The following HECW1 variants were observed in gnomAD, a reference collection of about 807,000 sequenced individuals.
HECW1 encodes E3 ubiquitin-protein ligase HECW1.
HECW1 carries 61 observed loss-of-function variants against 182.3 expected under a neutral mutation model. That is an observed-to-expected ratio of 0.33 (90% confidence interval 0.27 to 0.41). The LOEUF (loss-of-function observed/expected upper bound fraction) is 0.41. Among genes scored for constraint, HECW1 ranks in the 10% least tolerant of loss-of-function variants. The pLI, the probability that HECW1 is intolerant of heterozygous loss-of-function variation, is 1.00. For synonymous variants in HECW1, 859 were observed against 832.6 expected (o/e 1.03, Z -0.55); for missense variants, 1,739 against 2,108.9 (o/e 0.82, Z 3.44).
At chr7:43,528,709 C>T (rs370214132) in intron 24 of HECW1, among the ~76,000 whole-genome samples, 6 of 152,304 alleles carry the variant, frequency 3.9e-5, no homozygotes, top group Admixed American at 1.3e-4. Flanking sequence ...CCTCTGCCCC[C>T]CTGCAGGGCA....
At chr7:43,349,972 C>T (rs1339905178) in intron 5 of HECW1, among the ~76,000 whole-genome samples, 1 of 152,074 alleles carries the variant, frequency 6.6e-6, no homozygotes, top group Non-Finnish European at 1.5e-5. Context: ...GTGATTTATG[C>T]TTTAAAGAGG....
At chr7:43,456,223 G>A in intron 12 of HECW1, 74 bp from the exon 13 acceptor site, 1 of 1,468,408 alleles carries the variant, frequency 6.8e-7, no homozygotes, top group Non-Finnish European at 9.3e-7. Flanking sequence ...CAGAAGACTT[G>A]GAAGTTGTAT....
intron 3 of HECW1, among the ~76,000 whole-genome samples, chr7:43,285,183 G>A (rs1050478659): frequency 6.6e-6 from 1 of 152,112 alleles, no homozygotes; most frequent in Admixed American, 6.5e-5. Context: ...ACAAAAGGGG[G>A]AAATGGAACA....
rs542053538 is a variant in HECW1, at chr7:43,564,047, T to C, written c.*2121T>C. 385 of 186,590 alleles carry C rather than the reference T, an allele frequency of 2.1e-3. 2 individuals are homozygous for C. The highest frequency in any genetic ancestry group is 6.1e-3 in the Middle Eastern group (3 of 492). The allele number at this position is 186,590 out of a possible 1,614,324, so 11.6% of individuals were successfully genotyped here. On this transcript the variant is annotated 3_prime_UTR_variant, in exon 30 of 30. Coordinates refer to ENST00000395891, the MANE Select transcript of HECW1 (RefSeq NM_015052.5). The stretch of plus-strand genomic sequence containing the variant: ...GATGGAATCTGTAAGTTATATGATA[T>C]AGAATTTGAGGGATATGTAAAATTC...
chr7:43,246,499 G>T (rs1452434744), intron 3 of HECW1, among the ~76,000 whole-genome samples: 1 of 152,152 alleles, frequency 6.6e-6, no homozygotes, highest in Non-Finnish European at 1.5e-5. Flanking sequence ...CGTGAAGCCT[G>T]TGTAGTTGCA....
intron 5 of HECW1, among the ~76,000 whole-genome samples, chr7:43,336,122 CTTTCTCTCTCTCTCTCTCTCTT>C (rs1812180844): frequency 1.1e-4 from 9 of 83,264 alleles, no homozygotes; most frequent in African/African-American, 3.3e-4. Flanking sequence ...TTCTTTCTTT[CTTTCTCTCTCTCTCTCTCTCTT>C]TCTCTCTCTC....
At chr7:43,315,777 A>T (rs1809164710) in intron 4 of HECW1, among the ~76,000 whole-genome samples, 1 of 152,110 alleles carries the variant, frequency 6.6e-6, no homozygotes, top group South Asian at 2.1e-4. Context: ...TACAGGCGTG[A>T]TCCACCGCGC....
chr7:43,301,590 G>A (rs1353892809), intron 3 of HECW1, among the ~76,000 whole-genome samples: 1 of 152,212 alleles, frequency 6.6e-6, no homozygotes, highest in Non-Finnish European at 1.5e-5. Context: ...AAGGAAGGAA[G>A]AAGAAGCCAG....
At chr7:43,381,678 C>A (rs969597232) in intron 6 of HECW1, among the ~76,000 whole-genome samples, 25 of 152,090 alleles carry the variant, frequency 1.6e-4, no homozygotes, top group Non-Finnish European at 2.8e-4. Context: ...CATGTGCCAC[C>A]ACACCCAGCT....
At chr7:43,558,934 G>T (rs1330090611) in intron 29 of HECW1, among the ~76,000 whole-genome samples, 1 of 152,172 alleles carries the variant, frequency 6.6e-6, no homozygotes, top group Non-Finnish European at 1.5e-5. Flanking sequence ...AGAGAGCAAG[G>T]CCTATCTGAA....
chr7:43,460,495 G>A (rs2077544398), intron 13 of HECW1, among the ~76,000 whole-genome samples: 1 of 152,024 alleles, frequency 6.6e-6, no homozygotes, highest in Non-Finnish European at 1.5e-5. Context: ...GTTTTGGAGG[G>A]CTTTTTTCCT....
At chr7:43,185,348 C>T (rs562010248) in intron 2 of HECW1, among the ~76,000 whole-genome samples, 19 of 152,330 alleles carry the variant, frequency 1.2e-4, no homozygotes, top group African/African-American at 2.9e-4. Flanking sequence ...TAAAGTGTTT[C>T]ACTGAGTTCT....
At chr7:43,298,908 G>T (rs370334619) in intron 3 of HECW1, among the ~76,000 whole-genome samples, 1 of 152,096 alleles carries the variant, frequency 6.6e-6, no homozygotes, top group South Asian at 2.1e-4. Flanking sequence ...GCTGTTTTCC[G>T]CATACAAGGT....
intron 6 of HECW1, among the ~76,000 whole-genome samples, chr7:43,385,143 T>A (rs2074716053): frequency 6.7e-6 from 1 of 150,128 alleles, no homozygotes; most frequent in Admixed American, 6.7e-5. Flanking sequence ...CTCAACACCC[T>A]CTTCCAATCG....
intron 17 of HECW1, among the ~76,000 whole-genome samples, chr7:43,491,142 C>T (rs183285228): frequency 4.6e-5 from 7 of 152,226 alleles, no homozygotes; most frequent in Admixed American, 3.3e-4. Context: ...GTCAAAATGC[C>T]TAAGCTGAAC....
intron 11 of HECW1, among the ~76,000 whole-genome samples, chr7:43,447,081 A>AT (rs894168983): frequency 6.6e-6 from 1 of 152,108 alleles, no homozygotes; most frequent in Admixed American, 6.5e-5. Context: ...AGGTCTGTAG[A>AT]TTTTTCCTGT....
intron 3 of HECW1, among the ~76,000 whole-genome samples, chr7:43,307,943 T>C (rs1314724396): frequency 7.4e-6 from 1 of 135,734 alleles, no homozygotes; most frequent in Non-Finnish European, 1.5e-5. Context: ...GTGAAATGTA[T>C]TATTATATAT....
At chr7:43,226,019 C>T (rs1324016530) in intron 2 of HECW1, among the ~76,000 whole-genome samples, 2 of 152,200 alleles carry the variant, frequency 1.3e-5, no homozygotes, top group African/African-American at 2.4e-5. Flanking sequence ...GCAATCCTCC[C>T]GCTTTGGCCT....
At chr7:43,535,435 C>T (rs1339693635) in intron 24 of HECW1, among the ~76,000 whole-genome samples, 1 of 152,178 alleles carries the variant, frequency 6.6e-6, no homozygotes. Flanking sequence ...AGGTCAAGTT[C>T]ATCTCCCAGA....
Sources: allele counts gnomAD v4.1 joint callset (sites outside exome capture counted in the v4.1 genomes callset), GRCh38; gene constraint gnomAD v4.1.1; transcripts MANE v1.5; gene names NCBI Gene and HGNC (gene_info 2026-07-23, HGNC 2026-07-21).